The following BCR variants were observed in gnomAD, a reference collection of about 807,000 sequenced individuals.
BCR encodes the protein BCR activator of RhoGEF and GTPase, also known as breakpoint cluster region protein.
A neutral mutation model predicts 138.6 loss-of-function variants in BCR; 58 were observed. The ratio of observed to expected loss-of-function variants is 0.42; its 90% confidence interval spans 0.34 to 0.52. The LOEUF (loss-of-function observed/expected upper bound fraction) is 0.52, where lower values mean the gene tolerates loss of function less well. BCR is among the 20% of genes least tolerant of loss of function. BCR has a pLI of 0.06. For synonymous variants in BCR, 786 were observed against 730.1 expected (o/e 1.08, Z -1.23); for missense variants, 1,599 against 1,727.2 (o/e 0.93, Z 1.32).
intron 1 of BCR, among the ~76,000 whole-genome samples, chr22:23,239,643 AAG>A (rs1301122110): frequency 4.6e-5 from 7 of 152,178 alleles, no homozygotes; most frequent in Admixed American, 6.5e-5. Context: ...CTGCGTAACA[AAG>A]AACCACAAAC....
intron 22 of BCR, 46 bp from the exon 23 acceptor site, chr22:23,315,387 A>C: frequency 1.3e-6 from 2 of 1,578,350 alleles, no homozygotes; most frequent in Non-Finnish European, 1.7e-6. Flanking sequence ...AGCAGCTGTG[A>C]GCCCCGCTCT....
intron 19 of BCR, 22 bp from the exon 20 acceptor site, chr22:23,312,865 T>C: frequency 6.3e-7 from 1 of 1,596,034 alleles, no homozygotes; most frequent in East Asian, 2.2e-5. Flanking sequence ...AGGAGGCCGC[T>C]GCATTTCCGT....
chr22:23,218,749 G>A (rs1602026784), intron 1 of BCR, among the ~76,000 whole-genome samples: 1 of 152,242 alleles, frequency 6.6e-6, no homozygotes, highest in Non-Finnish European at 1.5e-5. Context: ...AGCCTGGTTC[G>A]CCTGCCCTCC....
intron 8 of BCR, 26 bp from the exon 9 acceptor site, chr22:23,283,951 G>C: frequency 6.4e-7 from 1 of 1,570,844 alleles, no homozygotes; most frequent in Non-Finnish European, 8.6e-7. Flanking sequence ...GGCTGGCCCT[G>C]ACCCCAGCCT....
At chr22:23,236,346 G>A (rs139593041) in intron 1 of BCR, among the ~76,000 whole-genome samples, 3 of 152,216 alleles carry the variant, frequency 2.0e-5, no homozygotes, top group African/African-American at 7.2e-5. Flanking sequence ...GGCGCCAGGG[G>A]ATGTTTGTCT....
chr22:23,308,481 A>AT (rs1464110570), intron 16 of BCR, among the ~76,000 whole-genome samples: 1 of 151,906 alleles, frequency 6.6e-6, no homozygotes, highest in East Asian at 1.9e-4. Context: ...AATTTGTTGT[A>AT]TTTTTAGTAG....
intron 4 of BCR, chr22:23,262,704 T>C (rs931263101): frequency 5.5e-6 from 1 of 180,732 alleles, no homozygotes; most frequent in African/African-American, 4.2e-5. Flanking sequence ...CGGGCCCGGG[T>C]GAGGGCGGGC....
intron 1 of BCR, among the ~76,000 whole-genome samples, chr22:23,208,586 C>T (rs1318129165): frequency 6.6e-6 from 1 of 152,180 alleles, no homozygotes; most frequent in Non-Finnish European, 1.5e-5. Flanking sequence ...GGCACTGTGG[C>T]TCATGCCTAT....
At chr22:23,290,492 TG>T (rs1414623065) in intron 14 of BCR, 79 bp downstream of exon 14, 1 of 1,430,354 alleles carries the variant, frequency 7.0e-7, no homozygotes, top group Admixed American at 1.7e-5. Context: ...GGGCAGGGTG[TG>T]GGGAAACAGG....
At position 23,181,454 on chromosome 22, in the gene BCR, A is replaced by G. The variant is rs2072258821; in HGVS notation, c.494A>G (p.His165Arg). ...RSNFERIRKGHGQPGADAEKP... is the reference protein window; with the variant it reads ...RSNFERIRKGRGQPGADAEKP... ...AACTTCGAGCGGATCCGCAAGGGCCATGGCCAGCCCGGGGCGGACGCCGAG... is the reference window on the plus strand; with the variant it reads ...AACTTCGAGCGGATCCGCAAGGGCCGTGGCCAGCCCGGGGCGGACGCCGAG... The change falls in exon 1 of 23, where the codon CAT (histidine) becomes CGT (arginine). Residue 165 changes from histidine (H) to arginine (R), a missense_variant. Coordinates refer to ENST00000305877, the MANE Select transcript of BCR (RefSeq NM_004327.4). 1 of 1,606,818 alleles carries G rather than the reference A, an allele frequency of 6.2e-7. No homozygotes were observed. Among genetic ancestry groups the G allele is most frequent in the South Asian group, 1.1e-5 (1 of 90,772 alleles).
intron 1 of BCR, among the ~76,000 whole-genome samples, chr22:23,210,368 A>G (rs546790275): frequency 2.0e-5 from 3 of 151,878 alleles, no homozygotes; most frequent in African/African-American, 7.3e-5. Flanking sequence ...GGTGAGCCAC[A>G]ATTGTGCCAC....
chr22:23,205,569 A>C, intron 1 of BCR, among the ~76,000 whole-genome samples: 1 of 151,996 alleles, frequency 6.6e-6, no homozygotes, highest in Middle Eastern at 3.2e-3. Context: ...CTGCTCGCCA[A>C]GGGGATACTC....
chr22:23,182,997 C>A (rs977460302), intron 1 of BCR, among the ~76,000 whole-genome samples: 12 of 152,210 alleles, frequency 7.9e-5, no homozygotes, highest in Non-Finnish European at 1.5e-4. Flanking sequence ...TGGTGGTAAC[C>A]CAGCCCCATT....
rs140119537 is a variant in BCR, at chr22:23,181,997, C to G, written c.1037C>G (p.Ser346Cys). Reference sequence around the variant, plus strand: ...CTCACCTCCAGCGAGGAGGACTTCTCCTCTGGCCAGTCCAGCCGCGTGTCC... The same window carrying G: ...CTCACCTCCAGCGAGGAGGACTTCTGCTCTGGCCAGTCCAGCCGCGTGTCC... ...ENLTSSEEDF[S>C]SGQSSRVSPS... is the part of the protein sequence containing the mutation. Residue 346 changes from serine to cysteine, a missense_variant, in exon 1 of 23, where the codon TCC (serine) becomes TGC (cysteine). Ser to Cys is a moderately radical substitution (Grantham distance 112). Transcript: ENST00000305877. 5 of 1,613,440 alleles carry G rather than the reference C, an allele frequency of 3.1e-6. No individual in the cohort carries two copies. The Admixed American group carries it at 8.3e-5, about 27-fold the overall frequency.
At chr22:23,211,801 T>C (rs1001509157) in intron 1 of BCR, among the ~76,000 whole-genome samples, 4 of 152,196 alleles carry the variant, frequency 2.6e-5, no homozygotes, top group African/African-American at 9.7e-5. Context: ...AGCTTCTCAA[T>C]AGAAGTCCTA....
intron 8 of BCR, among the ~76,000 whole-genome samples, chr22:23,275,281 CAG>C (rs1412144714): frequency 6.6e-6 from 1 of 152,262 alleles, no homozygotes; most frequent in Non-Finnish European, 1.5e-5. Context: ...TGGGCAGACT[CAG>C]AGTCCCATGC....
At chr22:23,288,976 C>T (rs2073751189) in intron 12 of BCR, among the ~76,000 whole-genome samples, 2 of 152,194 alleles carry the variant, frequency 1.3e-5, no homozygotes, top group South Asian at 2.1e-4. Context: ...CCAATGCCAC[C>T]GTGGCCTGGG....
chr22:23,315,776 C>G lies in BCR; in HGVS notation c.*254C>G, dbSNP rs2074065644. Reference sequence around the variant, plus strand: ...CTGAGGGCGCCCCAAGCCAGTTCATCTCGGAGTCCAGGCCTGGCCCTGGGA... The same window carrying G: ...CTGAGGGCGCCCCAAGCCAGTTCATGTCGGAGTCCAGGCCTGGCCCTGGGA... On this transcript the variant is annotated 3_prime_UTR_variant, in exon 23 of 23. Coordinates refer to ENST00000305877, the MANE Select transcript of BCR (RefSeq NM_004327.4). The G allele has an allele frequency of 3.4e-6, 2 of 594,858 alleles. No individual in the cohort carries two copies. Among genetic ancestry groups the G allele is most frequent in the African/African-American group, 3.6e-5 (2 of 55,046 alleles). The allele number at this position is 594,858 out of a possible 1,614,324, so 36.8% of individuals were successfully genotyped here.
intron 1 of BCR, among the ~76,000 whole-genome samples, chr22:23,248,030 GTCT>G (rs2073175348): frequency 6.6e-6 from 1 of 152,124 alleles, no homozygotes; most frequent in Non-Finnish European, 1.5e-5. Context: ...GTGCAAATAT[GTCT>G]TCAAGTTCCT....
Sources: allele counts gnomAD v4.1 joint callset (sites outside exome capture counted in the v4.1 genomes callset), GRCh38; gene constraint gnomAD v4.1.1; transcripts MANE v1.5; gene names NCBI Gene and HGNC (gene_info 2026-07-23, HGNC 2026-07-21).